POU2F1: variants seen among roughly 807,000 people sequenced by gnomAD.
POU2F1 encodes the protein POU class 2 homeobox 1, also known as POU domain, class 2, transcription factor 1.
In POU2F1, 16 loss-of-function variants were observed where a neutral mutation model predicts 84.9. The ratio of observed to expected loss-of-function variants is 0.19; its 90% CI spans 0.13 to 0.29. The LOEUF is 0.29. Among genes scored for constraint, POU2F1 ranks in the 10% least tolerant of loss-of-function variants. The probability of loss-of-function intolerance (pLI) is 1.00; values close to 1 mark genes in which losing one functional copy is unlikely to be tolerated. For synonymous variants in POU2F1, 368 were observed against 368.3 expected (o/e 1.00, Z 0.01); for missense variants, 738 against 942.6 (o/e 0.78, Z 2.84).
chr1:167,394,182 A>G (rs1648636894), intron 9 of POU2F1, among the ~76,000 whole-genome samples: 1 of 151,706 alleles, frequency 6.6e-6, no homozygotes, highest in Non-Finnish European at 1.5e-5. Context: ...ACCACACCCA[A>G]CTAATTTTTG....
At chr1:167,243,999 C>G (rs1650117755) in intron 1 of POU2F1, among the ~76,000 whole-genome samples, 1 of 152,084 alleles carries the variant, frequency 6.6e-6, no homozygotes, top group African/African-American at 2.4e-5. Context: ...CTGTGTCTGC[C>G]CATACTCTGA....
chr1:167,415,401 G>GT, intron 15 of POU2F1, 99 bp from the exon 16 acceptor site: 2 of 1,335,072 alleles, frequency 1.5e-6, no homozygotes. Flanking sequence ...TTCCTGGTGG[G>GT]TTGTAGGAAA....
chr1:167,280,533 A>G (rs1412595519), intron 1 of POU2F1, among the ~76,000 whole-genome samples: 1 of 152,186 alleles, frequency 6.6e-6, no homozygotes, highest in African/African-American at 2.4e-5. Flanking sequence ...AGGTATGAAC[A>G]GTATTATGAC....
chr1:167,300,367 C>A (rs984428283), intron 1 of POU2F1, among the ~76,000 whole-genome samples: 3 of 152,168 alleles, frequency 2.0e-5, no homozygotes, highest in African/African-American at 4.8e-5. Context: ...ACTTCAGTAT[C>A]ATGCAATATA....
chr1:167,378,402 AT>A (rs71572454), intron 7 of POU2F1, among the ~76,000 whole-genome samples: 5,430 of 108,394 alleles, frequency 0.05, 133 homozygotes, highest in African/African-American at 0.1. Flanking sequence ...TGCCCAGCTA[AT>A]TTTTTTTTTT....
intron 2 of POU2F1, among the ~76,000 whole-genome samples, chr1:167,361,573 C>G (rs1659352433): frequency 6.6e-6 from 1 of 152,116 alleles, no homozygotes; most frequent in South Asian, 2.1e-4. Flanking sequence ...ATTTGGATTA[C>G]TAATATTTTT....
chr1:167,370,144 C>T lies in POU2F1; in HGVS notation c.229-17C>T. The T allele has an allele frequency of 1.9e-6, 3 of 1,598,446 alleles. No homozygotes were observed. The highest frequency in any genetic ancestry group is 2.2e-5 in the East Asian group (1 of 44,732). On this transcript the variant is annotated splice_polypyrimidine_tract_variant and intron_variant, in intron 3 of 15. Coordinates refer to ENST00000367866, the MANE Select transcript of POU2F1 (RefSeq NM_002697.4). Reference sequence around the variant, plus strand: ...TGTCAACAGTATTAAACTAGAACTTCCCCTGATTACTTATAGGTCCAACTC... The same window carrying T: ...TGTCAACAGTATTAAACTAGAACTTTCCCTGATTACTTATAGGTCCAACTC...
chr1:167,401,301 A>G lies in POU2F1; in HGVS notation c.1450-150A>G. Reference sequence around the variant, plus strand: ...TAAAACCCAGGCAAAGCTATCTGTGATATCAGTGAACAACCATCTTCGAAT... The same window carrying G: ...TAAAACCCAGGCAAAGCTATCTGTGGTATCAGTGAACAACCATCTTCGAAT... On this transcript the variant is annotated intron_variant, in intron 12 of 15. Coordinates refer to ENST00000367866, the MANE Select transcript of POU2F1 (RefSeq NM_002697.4). 3 of 518,096 alleles carry G rather than the reference A, an allele frequency of 5.8e-6. No homozygotes were observed. The South Asian group carries it at 9.1e-5, about 16-fold the overall frequency. The allele number at this position is 518,096 out of a possible 1,614,324, so 32.1% of individuals were successfully genotyped here.
At chr1:167,222,512 T>G (rs1446413178) in intron 1 of POU2F1, among the ~76,000 whole-genome samples, 1 of 152,050 alleles carries the variant, frequency 6.6e-6, no homozygotes, top group Non-Finnish European at 1.5e-5. Flanking sequence ...TCCGCAGGGC[T>G]CTGAGATCAA....
At chr1:167,398,788 T>G (rs1464814503) in intron 11 of POU2F1, among the ~76,000 whole-genome samples, 1 of 141,632 alleles carries the variant, frequency 7.1e-6, no homozygotes, top group Non-Finnish European at 1.5e-5. Flanking sequence ...ATTGGGCAAA[T>G]CATGTGATTT....
chr1:167,262,467 C>T lies in POU2F1; in HGVS notation c.61+41509C>T, dbSNP rs978071055. On this transcript the variant is annotated intron_variant, in intron 1 of 15. Coordinates refer to ENST00000367866, the MANE Select transcript of POU2F1 (RefSeq NM_002697.4). ...TTTGTTCAGCGAATTGCGGGAAACA[C>T]AAGATGAATCAGAAACCGTATCTGC... is the stretch of plus-strand genomic sequence containing the variant. 7.2e-5 allele frequency among the ~76,000 whole-genome samples: 11 copies of T among 152,192 alleles called. No individual in the cohort carries two copies. The East Asian group carries it at 1.5e-3, about 21-fold the overall frequency.
At chr1:167,376,289 CT>C in intron 7 of POU2F1, 134 bp downstream of exon 7, 3 of 1,138,930 alleles carry the variant, frequency 2.6e-6, no homozygotes, top group Non-Finnish European at 3.5e-6. Context: ...TGATTATAAA[CT>C]TTCGTTTAAA....
At chr1:167,316,384 G>T (rs528056820) in intron 1 of POU2F1, among the ~76,000 whole-genome samples, 2 of 152,170 alleles carry the variant, frequency 1.3e-5, no homozygotes, top group African/African-American at 4.8e-5. Context: ...GTTGCTATAG[G>T]ATTTCAGAAG....
intron 13 of POU2F1, among the ~76,000 whole-genome samples, chr1:167,403,316 C>T (rs1406752986): frequency 2.0e-5 from 3 of 152,124 alleles, no homozygotes; most frequent in Non-Finnish European, 4.4e-5. Context: ...TTGATTGCAG[C>T]CTTGTGATAC....
intron 1 of POU2F1, among the ~76,000 whole-genome samples, chr1:167,290,090 A>G (rs531118420): frequency 6.6e-6 from 1 of 152,264 alleles, no homozygotes; most frequent in Admixed American, 6.5e-5. Context: ...TAAATAAGGA[A>G]CTACTAAGAT....
chr1:167,413,105 A>G lies in POU2F1; in HGVS notation c.1981A>G (p.Thr661Ala). ...PALMSNSTLATIQALASGGSL... is the reference protein window; with the variant it reads ...PALMSNSTLAAIQALASGGSL... ...TCTAATGAGCAACAGTACACTGGCA[A>G]CTATTCAAGGTCAGTAGAAGCCTTT... is the stretch of plus-strand genomic sequence containing the variant. The change falls in exon 15 of 16, where the codon ACT (threonine) becomes GCT (alanine). Residue 661 changes from threonine to alanine, a missense_variant. Physicochemically the swap from Thr to Ala is moderately conservative, Grantham distance 58. This residue lies in a region of POU2F1 where 319 missense variants were observed against 386.0 expected (regional missense o/e 0.83). Coordinates refer to ENST00000367866, the MANE Select transcript of POU2F1 (RefSeq NM_002697.4). 1 of 1,612,908 alleles carries G rather than the reference A, an allele frequency of 6.2e-7. No homozygotes were observed. The highest frequency in any genetic ancestry group is 1.3e-5 in the African/African-American group (1 of 75,016).
chr1:167,426,005 T>C lies in POU2F1; in HGVS notation c.*10195T>C, dbSNP rs946431984. 1 of 140,786 alleles carries C rather than the reference T, an allele frequency of 7.1e-6. No homozygotes were observed. Among genetic ancestry groups the C allele is most frequent in the African/African-American group, 2.6e-5 (1 of 39,130 alleles). 8.7% of individuals were successfully genotyped at this position (140,786 alleles called of 1,614,324 possible). On this transcript the variant is annotated 3_prime_UTR_variant, in exon 16 of 16. Transcript: ENST00000367866. Reference sequence around the variant, plus strand: ...TGAAGGAACTTTTTACATGGATCTTTTTAATCTCAGTTGGTTGGGGGAGGG... The same window carrying C: ...TGAAGGAACTTTTTACATGGATCTTCTTAATCTCAGTTGGTTGGGGGAGGG...
In POU2F1 at chr1:167,415,793, G is replaced by A. The variant is rs774822872; in HGVS notation, c.2284G>A (p.Ala762Thr). 132 of 1,613,566 alleles carry A rather than the reference G, an allele frequency of 8.2e-5. No individual in the cohort carries two copies. The highest frequency in any genetic ancestry group is 1.6e-4 in the Middle Eastern group (1 of 6,084). ...ASGAASTTTT[A>T]SKAQ ...CGGGGCTGCGTCCACCACCACCACC[G>A]CCTCCAAGGCACAGTGAGCTGGGCA... Residue 762 changes from alanine (A) to threonine (T), a missense_variant, in exon 16 of 16, where the codon GCC becomes ACC. Physicochemically the swap from Ala to Thr is moderately conservative, Grantham distance 58. Transcript: ENST00000367866.
intron 8 of POU2F1, among the ~76,000 whole-genome samples, chr1:167,386,861 C>T (rs1031254215): frequency 6.6e-5 from 10 of 151,898 alleles, no homozygotes; most frequent in East Asian, 1.9e-4. Flanking sequence ...TTGCCAGGGA[C>T]GGGGGGCTAA....
Sources: allele counts gnomAD v4.1 joint callset (sites outside exome capture counted in the v4.1 genomes callset), GRCh38; gene constraint gnomAD v4.1.1; regional missense constraint gnomAD v4.1.1; transcripts MANE v1.5; gene names NCBI Gene and HGNC (gene_info 2026-07-23, HGNC 2026-07-21).